The following SIK3 variants were observed in gnomAD, a reference collection of about 807,000 sequenced individuals.
SIK3 encodes SIK family kinase 3.
Under a neutral mutation model 144.2 loss-of-function variants are expected in SIK3, and 28 were observed. That is an observed-to-expected ratio of 0.19 (90% CI 0.14 to 0.27). The LOEUF is 0.27. SIK3 is among the 10% of genes least tolerant of loss of function. The pLI is 1.00. For missense variants in SIK3, 1,319 were observed against 1,776.0 expected (o/e 0.74, Z 4.62); for synonymous variants, 686 against 676.3 (o/e 1.01, Z -0.22).
At chr11:117,035,852 G>A (rs1310808682) in intron 1 of SIK3, 9 of 1,588,970 alleles carry the variant, frequency 5.7e-6, no homozygotes, top group Non-Finnish European at 7.7e-6. Context: ...TTTTCCTCCT[G>A]TAGGCTGGCA....
In SIK3 at chr11:116,896,377, C is replaced by T; in HGVS notation, c.742-1G>A. The stretch of plus-strand genomic sequence containing the variant: ...GCACGTAGAGGACAACTCCAAGGCT[C>T]TGCATCCCAAACAGAGAGGATGTAC... On this transcript the variant is annotated splice_acceptor_variant, in intron 5 of 24. Coordinates refer to ENST00000445177, the MANE Select transcript of SIK3 (RefSeq NM_001366686.3). LOFTEE classifies it high-confidence loss of function. The T allele has an allele frequency of 6.2e-7, 1 of 1,613,244 alleles. No individual in the cohort carries two copies. Among genetic ancestry groups the T allele is most frequent in the Non-Finnish European group, 8.5e-7 (1 of 1,179,358 alleles).
chr11:117,078,414 CTTT>C (rs752116300), intron 1 of SIK3, among the ~76,000 whole-genome samples: 2 of 131,486 alleles, frequency 1.5e-5, no homozygotes, highest in African/African-American at 3.1e-5. Context: ...TGCATAACAC[CTTT>C]TTTTTTTTTT....
intron 1 of SIK3, among the ~76,000 whole-genome samples, chr11:117,079,899 C>A (rs1330342746): frequency 6.6e-6 from 1 of 152,052 alleles, no homozygotes; most frequent in Non-Finnish European, 1.5e-5. Flanking sequence ...CCAGGCACAG[C>A]AGCTCATGCC....
intron 1 of SIK3, among the ~76,000 whole-genome samples, chr11:117,017,222 A>T (rs1951577166): frequency 6.6e-6 from 1 of 152,192 alleles, no homozygotes; most frequent in Admixed American, 6.5e-5. Flanking sequence ...ATGCCACTGC[A>T]CTCCAGGGTG....
At chr11:116,873,344 A>G in intron 13 of SIK3, 137 bp downstream of exon 13, 1 of 1,168,052 alleles carries the variant, frequency 8.6e-7, no homozygotes, top group East Asian at 2.5e-5. Context: ...CCTGAAGAAA[A>G]TGGGCTGGAG....
At chr11:116,859,970 G>A (rs924747225) in intron 19 of SIK3, among the ~76,000 whole-genome samples, 5 of 152,152 alleles carry the variant, frequency 3.3e-5, no homozygotes, top group South Asian at 2.1e-4. Context: ...ACTCTAGGCC[G>A]GGCGTGGTGG....
chr11:116,966,996 T>C (rs1208756816), intron 1 of SIK3, among the ~76,000 whole-genome samples: 1 of 101,412 alleles, frequency 9.9e-6, no homozygotes, highest in Non-Finnish European at 1.8e-5. Flanking sequence ...AGAGCAAGAC[T>C]CTGTTTCAAA....
At chr11:117,030,054 T>G (rs1425818390) in intron 1 of SIK3, among the ~76,000 whole-genome samples, 1 of 152,002 alleles carries the variant, frequency 6.6e-6, no homozygotes, top group African/African-American at 2.4e-5. Flanking sequence ...AACAGAGTTG[T>G]AGGAGGAGAG....
chr11:116,981,349 C>T (rs1950134220), intron 1 of SIK3, among the ~76,000 whole-genome samples: 1 of 152,208 alleles, frequency 6.6e-6, no homozygotes, highest in Non-Finnish European at 1.5e-5. Context: ...TTCCTTTCCA[C>T]ATGGATCTCT....
chr11:116,967,017 A>AAAAAG (rs555732125), intron 1 of SIK3, among the ~76,000 whole-genome samples: 8,489 of 147,326 alleles, frequency 0.058, 423 homozygotes, highest in Middle Eastern at 0.094. Flanking sequence ...AAAAAAAAGA[A>AAAAAG]AAAGAAAAAG....
chr11:117,054,629 G>C (rs1224783693), intron 1 of SIK3, among the ~76,000 whole-genome samples: 1 of 152,152 alleles, frequency 6.6e-6, no homozygotes, highest in Non-Finnish European at 1.5e-5. Flanking sequence ...TGTTTCGGAA[G>C]CACAATCAAC....
chr11:117,058,143 G>A (rs180841516), intron 1 of SIK3, among the ~76,000 whole-genome samples: 1 of 152,222 alleles, frequency 6.6e-6, no homozygotes, highest in East Asian at 1.9e-4. Context: ...GGCATGTGAA[G>A]GATCTGAAAA....
intron 6 of SIK3, among the ~76,000 whole-genome samples, chr11:116,894,576 T>C (rs1025044900): frequency 1.3e-5 from 2 of 152,244 alleles, no homozygotes; most frequent in Non-Finnish European, 2.9e-5. Context: ...CCAAAATACC[T>C]GGGTTCAAAT....
At chr11:116,927,477 A>T (rs187222171) in intron 3 of SIK3, 97 bp from the exon 4 acceptor site, 1 of 1,183,246 alleles carries the variant, frequency 8.5e-7, no homozygotes, top group African/African-American at 1.5e-5. Context: ...CTCTCGAGTG[A>T]GTTAAAGAGG....
At chr11:116,943,222 T>A (rs117772632) in intron 3 of SIK3, among the ~76,000 whole-genome samples, 3,742 of 151,672 alleles carry the variant, frequency 0.025, 85 homozygotes, top group South Asian at 0.11. Context: ...AGGAGAGGTA[T>A]GTTCAAAGTG....
rs1949161647 is a variant in SIK3, at chr11:116,956,969, G to C, written c.369C>G (p.Pro123=). The change falls in exon 2 of 25, where the codon CCC becomes CCG. Residue 123 remains proline, a synonymous_variant. Transcript: ENST00000445177. ...EVQIMKMLCH[P]HIIRLYQVME... The stretch of plus-strand genomic sequence containing the variant: ...CTACCTGGTAGAGCCTGATGATATG[G>C]GGGTGGCAAAGCATCTTCATAATTT... 3 of 1,607,764 alleles carry C rather than the reference G, an allele frequency of 1.9e-6. No individual in the cohort carries two copies. Among genetic ancestry groups the C allele is most frequent in the Non-Finnish European group, 2.5e-6 (3 of 1,177,660 alleles).
At position 116,844,618 on chromosome 11, in the gene SIK3, A is replaced by G. The variant is rs1173660736; in HGVS notation, c.*1025T>C. ...TATTTTATATATATATTATATATAT[A>G]ATATATATATAATATATTATATTAT... On this transcript the variant is annotated 3_prime_UTR_variant, in exon 25 of 25. Transcript: ENST00000445177. 4 of 40,758 alleles carry G rather than the reference A, an allele frequency of 9.8e-5. No homozygotes were observed. The highest frequency in any genetic ancestry group is 2.1e-4 in the African/African-American group (1 of 4,768). 2.5% of individuals were successfully genotyped at this position (40,758 alleles called of 1,614,324 possible).
intron 1 of SIK3, among the ~76,000 whole-genome samples, chr11:117,061,740 C>T (rs1953803769): frequency 6.6e-6 from 1 of 152,094 alleles, no homozygotes; most frequent in Non-Finnish European, 1.5e-5. Flanking sequence ...TTGAAAAGCA[C>T]TGTATTCGCT....
chr11:116,947,158 T>TAA (rs1491488934), intron 3 of SIK3, among the ~76,000 whole-genome samples: 4,275 of 134,740 alleles, frequency 0.032, 809 homozygotes, highest in African/African-American at 0.04. Context: ...ATATAATATA[T>TAA]TATATATAAA....
Sources: allele counts gnomAD v4.1 joint callset (sites outside exome capture counted in the v4.1 genomes callset), GRCh38; gene constraint gnomAD v4.1.1; transcripts MANE v1.5; gene names NCBI Gene and HGNC (gene_info 2026-07-23, HGNC 2026-07-21).